The following RARS1 variants were observed in gnomAD, a reference collection of about 807,000 sequenced individuals.
RARS1 encodes arginine--tRNA ligase, cytoplasmic.
RARS1 carries 75 observed loss-of-function variants against 78.7 expected under a neutral mutation model. The ratio of observed to expected loss-of-function variants is 0.95; its 90% CI spans 0.79 to 1.15. The LOEUF is 1.15. Ranked by LOEUF, RARS1 falls within the 50% of genes most tolerant of loss-of-function variation. The pLI is 0.00. For synonymous variants in RARS1, 273 were observed against 268.2 expected (o/e 1.02, Z -0.18); for missense variants, 787 against 787.5 (o/e 1.00, Z 0.01).
At chr5:168,509,438 ACC>A (rs10533468) in intron 11 of RARS1, among the ~76,000 whole-genome samples, 28,649 of 118,328 alleles carry the variant, frequency 0.24, 3,464 homozygotes, top group Admixed American at 0.36. Context: ...TTTTTTAAAC[ACC>A]CCCCCCCCCC....
chr5:168,511,714 T>C (rs1287844689), intron 12 of RARS1, among the ~76,000 whole-genome samples: 1 of 152,208 alleles, frequency 6.6e-6, no homozygotes, highest in Non-Finnish European at 1.5e-5. Flanking sequence ...TTTTTACATA[T>C]ATATGCCTTA....
Position 168,500,531 on chromosome 5 carries a change from T to G in RARS1, c.823-60T>G, listed in dbSNP as rs1758295745. ...TGTAGAAATGTGTAAGTTCTTTTTC[T>G]AGAAATACAGGATTAGATCTTTTTA... On this transcript the variant is annotated intron_variant, in intron 7 of 14. Transcript: ENST00000231572. 10 of 1,347,518 alleles carry G rather than the reference T, an allele frequency of 7.4e-6. No individual in the cohort carries two copies. In the East Asian group the frequency reaches 2.9e-4, roughly 39 times the overall value. The allele number at this position is 1,347,518 out of a possible 1,614,324, so 83.5% of individuals were successfully genotyped here. A position where few individuals can be genotyped will look rare whatever the true frequency, so the allele number is the denominator to read the frequency against.
At chr5:168,502,440 G>A (rs1312048820) in intron 9 of RARS1, among the ~76,000 whole-genome samples, 1 of 145,178 alleles carries the variant, frequency 6.9e-6, no homozygotes. Context: ...GGAACTCCTG[G>A]CCTCAAGTGA....
chr5:168,518,071 C>CTTTGTTTTTTTTTTTTTTTTTTTT lies in RARS1; in HGVS notation c.1873+12_1873+13insGTTTTTTTTTTTTTTTTTTTTTTT. On this transcript the variant is annotated intron_variant, in intron 14 of 14. Transcript: ENST00000231572. ...GAAAGATAGACAGACTGGTGAGTGT[C>CTTTGTTTTTTTTTTTTTTTTTTTT]TTTTTTTTTTTTTTTTTTTTTTTTA... 1.3e-6 allele frequency: 1 copy of CTTTGTTTTTTTTTTTTTTTTTTTT among 747,560 alleles called. No homozygotes were observed. Among genetic ancestry groups the CTTTGTTTTTTTTTTTTTTTTTTTT allele is most frequent in the Non-Finnish European group, 1.6e-6 (1 of 622,936 alleles). The allele number at this position is 747,560 out of a possible 1,614,324, so 46.3% of individuals were successfully genotyped here.
chr5:168,518,258 T>C (rs1758718082), intron 14 of RARS1, among the ~76,000 whole-genome samples, 196 bp downstream of exon 14: 2 of 151,522 alleles, frequency 1.3e-5, no homozygotes, highest in Non-Finnish European at 2.9e-5. Context: ...GCTCCAAGTG[T>C]CTCATTTAGT....
intron 6 of RARS1, among the ~76,000 whole-genome samples, chr5:168,496,102 C>T (rs1258274032): frequency 6.6e-6 from 1 of 151,912 alleles, no homozygotes; most frequent in African/African-American, 2.4e-5. Context: ...AGTGTTAGGC[C>T]AGGCACGGTG....
Position 168,494,593 on chromosome 5 carries a change from A to G in RARS1, c.522A>G (p.Gln174=), listed in dbSNP as rs1758145230. The change falls in exon 5 of 15, where the codon CAA becomes CAG. Residue 174 remains glutamine (Q), a synonymous_variant. Coordinates refer to ENST00000231572, the MANE Select transcript of RARS1 (RefSeq NM_002887.4). Reference sequence around the variant, plus strand: ...TAAGAAAGGATTTTGTATCAGAACAATTGACCAGTCTTCTAGTGAATGGAG... The same window carrying G: ...TAAGAAAGGATTTTGTATCAGAACAGTTGACCAGTCTTCTAGTGAATGGAG... The part of the protein sequence containing the change: ...VHLRKDFVSE[Q]LTSLLVNGVQ... 1.9e-6 allele frequency: 3 copies of G among 1,611,510 alleles called. No homozygotes were observed. The highest frequency in any genetic ancestry group is 1.3e-5 in the African/African-American group (1 of 74,878).
rs1303981272 is a variant in RARS1 at position 168,516,793 on chromosome 5, G to A, written c.1468G>A (p.Glu490Lys). 3 of 1,613,978 alleles carry A rather than the reference G, an allele frequency of 1.9e-6. No homozygotes were observed. Among genetic ancestry groups the A allele is most frequent in the Non-Finnish European group, 2.5e-6 (3 of 1,180,024 alleles). ...TTTCCCAAAGGTCTTAACTGCAGAG[G>A]AATTGAATGCTGCTCAGACATCCGT... is the stretch of plus-strand genomic sequence containing the variant. ...KERDKVLTAE[E>K]LNAAQTSVAY... Residue 490 changes from glutamate to lysine, a missense_variant, in exon 13 of 15, where the codon GAA (glutamate) becomes AAA (lysine). Transcript: ENST00000231572.
chr5:168,498,594 T>C (rs922420448), intron 7 of RARS1, among the ~76,000 whole-genome samples: 4 of 152,230 alleles, frequency 2.6e-5, no homozygotes, highest in African/African-American at 7.2e-5. Flanking sequence ...ATTAATCCTT[T>C]ATTAGGATTT....
intron 3 of RARS1, 123 bp from the exon 4 acceptor site, chr5:168,493,771 T>G (rs778102638): frequency 2.8e-6 from 2 of 705,852 alleles, no homozygotes; most frequent in Non-Finnish European, 4.8e-6. Flanking sequence ...GTGATTGGAC[T>G]TCTCTGCTTC....
At chr5:168,501,410 A>AT (rs1442477398) in intron 8 of RARS1, among the ~76,000 whole-genome samples, 1 of 150,192 alleles carries the variant, frequency 6.7e-6, no homozygotes, top group Non-Finnish European at 1.5e-5. Context: ...TCTCATTTAC[A>AT]TTTTTTAAGA....
At chr5:168,501,893 C>G in intron 8 of RARS1, 108 bp from the exon 9 acceptor site, 2 of 1,411,808 alleles carry the variant, frequency 1.4e-6, no homozygotes, top group Non-Finnish European at 1.9e-6. Context: ...TAATTAATTT[C>G]CTTTTAATAT....
At chr5:168,511,549 C>G (rs1582440649) in intron 12 of RARS1, among the ~76,000 whole-genome samples, 1 of 152,296 alleles carries the variant, frequency 6.6e-6, no homozygotes, top group African/African-American at 2.4e-5. Context: ...CTAGGCACAT[C>G]TGGCACAGTC....
chr5:168,500,871 A>G (rs905053737), intron 8 of RARS1, 151 bp downstream of exon 8: 10 of 1,038,196 alleles, frequency 9.6e-6, no homozygotes, highest in Non-Finnish European at 1.2e-5. Context: ...AACAACCAAT[A>G]AATTTTGAAC....
chr5:168,486,673 G>C, intron 1 of RARS1, 130 bp downstream of exon 1: 1 of 936,558 alleles, frequency 1.1e-6, no homozygotes, highest in South Asian at 1.4e-5. Flanking sequence ...GAGCGGCACG[G>C]TCCCTGTGGG....
At chr5:168,518,175 C>A (rs1271564052) in intron 14 of RARS1, 113 bp downstream of exon 14, 1 of 1,264,584 alleles carries the variant, frequency 7.9e-7, no homozygotes, top group Non-Finnish European at 1.0e-6. Context: ...CCTCAAACTT[C>A]TGGCCTCAAG....
Position 168,497,263 on chromosome 5 carries a change from G to T in RARS1, c.737G>T (p.Gly246Val). ...GTAGGAGACTGGGGGACCCAGTTTG[G>T]CATGCTCATCGCTCACCTGCAAGAC... The part of the protein sequence containing the change: ...NHVGDWGTQF[G>V]MLIAHLQDKF... Residue 246 changes from glycine (G) to valine (V), a missense_variant, in exon 7 of 15, where the codon GGC becomes GTC. Physicochemically the swap from Gly to Val is moderately radical, Grantham distance 109. Transcript: ENST00000231572. 1.9e-6 allele frequency: 3 copies of T among 1,587,634 alleles called. No individual in the cohort carries two copies. Among genetic ancestry groups the T allele is most frequent in the Non-Finnish European group, 1.7e-6 (2 of 1,165,448 alleles).
chr5:168,500,866 C>G, intron 8 of RARS1, 146 bp downstream of exon 8: 1 of 1,076,730 alleles, frequency 9.3e-7, no homozygotes. Context: ...TCTGAAACAA[C>G]CAATAAATTT....
At chr5:168,500,561 CCTTA>C (rs781174529) in intron 7 of RARS1, 26 bp from the exon 8 acceptor site, 2 of 1,420,670 alleles carry the variant, frequency 1.4e-6, no homozygotes, top group East Asian at 5.5e-5. Flanking sequence ...TTTTTACACA[CCTTA>C]CTTTTTAAAA....
Sources: gnomAD v4.1 joint callset for allele counts (sites outside exome capture counted in the v4.1 genomes callset) on GRCh38, gnomAD v4.1.1 for gene constraint, MANE v1.5 for transcripts, NCBI Gene and HGNC (gene_info 2026-07-23, HGNC 2026-07-21) for gene names.